The following FHAD1 variants were observed in gnomAD, a reference collection of about 807,000 sequenced individuals.
FHAD1 encodes the protein forkhead associated phosphopeptide binding domain 1, also known as forkhead-associated domain-containing protein 1.
FHAD1 carries 146 observed loss-of-function variants against 191.3 expected under a neutral mutation model. The observed-to-expected ratio is 0.76, with a 90% CI of 0.67 to 0.88. FHAD1 has a LOEUF of 0.88. Ranked by LOEUF, FHAD1 falls within the 40% of genes least tolerant of loss-of-function variation. The pLI is 0.00. For synonymous variants in FHAD1, 616 were observed against 672.3 expected (o/e 0.92, Z 1.29); for missense variants, 1,635 against 1,785.8 (o/e 0.92, Z 1.52).
At chr1:15,243,482 G>A (rs1325954749), upstream of FHAD1, among the ~76,000 whole-genome samples, 4 of 152,196 alleles carry the variant, frequency 2.6e-5, no homozygotes, top group Admixed American at 1.3e-4. Context: ...TCCTGGCCGC[G>A]GCTGGGGCCT....
intron 20 of FHAD1, among the ~76,000 whole-genome samples, chr1:15,354,725 T>C (rs943356723): frequency 6.6e-6 from 1 of 152,148 alleles, no homozygotes; most frequent in Non-Finnish European, 1.5e-5. Flanking sequence ...CAATTTTTAC[T>C]CCAGCAATTA....
chr1:15,262,902 G>A (rs1299240809), intron 2 of FHAD1, among the ~76,000 whole-genome samples: 1 of 152,176 alleles, frequency 6.6e-6, no homozygotes, highest in Non-Finnish European at 1.5e-5. Flanking sequence ...CACAGTGGCT[G>A]CACTATTTTA....
exon 1 of FHAD1, among the ~76,000 whole-genome samples, chr1:15,236,679 C>T (rs765120768): frequency 6.6e-6 from 1 of 152,194 alleles, no homozygotes; most frequent in Non-Finnish European, 1.5e-5. Context: ...GTTGGATCCA[C>T]GTGGTCAAAA....
chr1:15,345,504 G>A lies in FHAD1; in HGVS notation c.2327G>A (p.Arg776His), dbSNP rs751461075. The A allele has an allele frequency of 4.5e-6, 7 of 1,551,990 alleles. No homozygotes were observed. Among genetic ancestry groups the A allele is most frequent in the South Asian group, 1.2e-5 (1 of 84,064 alleles). Residue 776 changes from arginine (R) to histidine (H), a missense_variant, in exon 18 of 34, where the codon CGC becomes CAC. By Grantham distance (29) the Arg-to-His change is conservative. Transcript: ENST00000688493. ...ACAAGAGTCCAAGAGCTGGAGGAACGCTTGGCCCGCCAGAAGGAGGTACGC... is the reference window on the plus strand; with the variant it reads ...ACAAGAGTCCAAGAGCTGGAGGAACACTTGGCCCGCCAGAAGGAGGTACGC... ...EQTRVQELEE[R>H]LARQKEVLES...
At chr1:15,309,827 G>A (rs1671697929) in intron 7 of FHAD1, among the ~76,000 whole-genome samples, 1 of 152,140 alleles carries the variant, frequency 6.6e-6, no homozygotes, top group South Asian at 2.1e-4. Flanking sequence ...CTGAGGAGGT[G>A]GGAGGGGCTG....
intron 1 of FHAD1, among the ~76,000 whole-genome samples, chr1:15,247,710 C>A (rs1646259196): frequency 6.6e-6 from 1 of 152,136 alleles, no homozygotes; most frequent in Non-Finnish European, 1.5e-5. Context: ...GACTTACGAA[C>A]GACACCCACC....
intron 5 of FHAD1, among the ~76,000 whole-genome samples, chr1:15,297,580 A>G (rs1667363269): frequency 6.6e-6 from 1 of 152,232 alleles, no homozygotes; most frequent in Non-Finnish European, 1.5e-5. Context: ...ATGCTCTGTC[A>G]GTTACCCACT....
chr1:15,334,576 C>G (rs371448818), intron 14 of FHAD1: 1 of 152,194 alleles, frequency 6.6e-6, no homozygotes, highest in Non-Finnish European at 1.5e-5. Flanking sequence ...TTTACTTGCT[C>G]GTGAAATGGC....
chr1:15,384,576 G>C (rs188537115), intron 31 of FHAD1: 1 of 152,344 alleles, frequency 6.6e-6, no homozygotes, highest in East Asian at 1.9e-4. Context: ...CAGTCCACAT[G>C]CATTATTCAT....
At chr1:15,254,453 C>T (rs531092646) in intron 2 of FHAD1, among the ~76,000 whole-genome samples, 3 of 152,120 alleles carry the variant, frequency 2.0e-5, no homozygotes, top group South Asian at 2.1e-4. Flanking sequence ...AAGTAAATGA[C>T]GCCACAATCG....
At chr1:15,250,868 A>G (rs923084868) in intron 1 of FHAD1, among the ~76,000 whole-genome samples, 9 of 152,180 alleles carry the variant, frequency 5.9e-5, no homozygotes, top group Non-Finnish European at 1.2e-4. Flanking sequence ...AATAAGCTCT[A>G]TAGAAGTTTA....
At chr1:15,388,694 C>T (rs906048469) in intron 32 of FHAD1, among the ~76,000 whole-genome samples, 3 of 152,124 alleles carry the variant, frequency 2.0e-5, no homozygotes, top group Non-Finnish European at 2.9e-5. Flanking sequence ...TCCGACCTTC[C>T]TGGCAGCCAA....
At chr1:15,291,310 G>T (rs529547257) in intron 4 of FHAD1, among the ~76,000 whole-genome samples, 2 of 151,398 alleles carry the variant, frequency 1.3e-5, no homozygotes, top group African/African-American at 4.9e-5. Context: ...TCAAACTCCT[G>T]ACCTCAAGTG....
At chr1:15,259,379 A>C (rs1649914745) in intron 2 of FHAD1, among the ~76,000 whole-genome samples, 2 of 152,212 alleles carry the variant, frequency 1.3e-5, no homozygotes, top group Admixed American at 1.3e-4. Flanking sequence ...TGGGGCTCAG[A>C]AAGGTTAAAT....
chr1:15,250,088 G>A (rs1188054296), intron 1 of FHAD1, among the ~76,000 whole-genome samples: 1 of 152,166 alleles, frequency 6.6e-6, no homozygotes, highest in African/African-American at 2.4e-5. Flanking sequence ...CCAGCCCCGA[G>A]AGTCCGTACC....
At chr1:15,366,740 A>C (rs547845409) in intron 24 of FHAD1, among the ~76,000 whole-genome samples, 88 of 152,276 alleles carry the variant, frequency 5.8e-4, no homozygotes, top group African/African-American at 2.1e-3. Flanking sequence ...GGGGCAAAAT[A>C]ACTGAGTTCT....
At chr1:15,265,482 C>T (rs1206290315) in intron 2 of FHAD1, among the ~76,000 whole-genome samples, 2 of 152,152 alleles carry the variant, frequency 1.3e-5, no homozygotes, top group African/African-American at 2.4e-5. Flanking sequence ...GTGGTATTAT[C>T]AGGCAGTCCT....
intron 3 of FHAD1, among the ~76,000 whole-genome samples, chr1:15,283,119 A>G (rs937359904): frequency 6.6e-6 from 1 of 152,246 alleles, no homozygotes; most frequent in African/African-American, 2.4e-5. Context: ...TGGTTTATGC[A>G]GAAATTTCCA....
intron 3 of FHAD1, among the ~76,000 whole-genome samples, chr1:15,284,850 A>T (rs1304418331): frequency 6.6e-6 from 1 of 152,250 alleles, no homozygotes; most frequent in South Asian, 2.1e-4. Context: ...GGAAAAGCAC[A>T]TGCGGCCTCA....
Sources: gnomAD v4.1 joint callset for allele counts (sites outside exome capture counted in the v4.1 genomes callset) on GRCh38, gnomAD v4.1.1 for gene constraint, MANE v1.5 for transcripts, NCBI Gene and HGNC (gene_info 2026-07-23, HGNC 2026-07-21) for gene names.